Variants in SP3 observed in about 807,000 individuals in gnomAD.
The protein encoded by SP3 is Sp3 transcription factor.
A neutral mutation model predicts 70.3 loss-of-function variants in SP3; 10 were observed. The observed-to-expected ratio is 0.14, with a 90% confidence interval of 0.09 to 0.24. The LOEUF is 0.24. Among genes scored for constraint, SP3 ranks in the 10% least tolerant of loss-of-function variants. The pLI is 1.00. For missense variants in SP3, 825 were observed against 914.6 expected (o/e 0.90, Z 1.26); for synonymous variants, 402 against 333.5 (o/e 1.21, Z -2.24).
In SP3 at chr2:173,909,918, A is replaced by G. The variant is rs1362509976; in HGVS notation, c.*23T>C. ...TCACTACTGTATAAAAATAACCACA[A>G]TGAATAAGTATTTGTGTAATATTTA... On this transcript the variant is annotated 3_prime_UTR_variant, in exon 7 of 7. Coordinates refer to ENST00000310015, the MANE Select transcript of SP3 (RefSeq NM_003111.5). The G allele has an allele frequency of 3.8e-6, 6 of 1,597,744 alleles. No homozygotes were observed. Among genetic ancestry groups the G allele is most frequent in the Non-Finnish European group, 5.1e-6 (6 of 1,166,530 alleles).
chr2:173,938,492 C>T (rs1162278392), intron 4 of SP3, among the ~76,000 whole-genome samples: 1 of 112,344 alleles, frequency 8.9e-6, no homozygotes, highest in Non-Finnish European at 1.8e-5. Flanking sequence ...AGCAACCAAA[C>T]AGGTAAAATT....
chr2:173,930,196 AC>A (rs1690031554), intron 4 of SP3, among the ~76,000 whole-genome samples: 1 of 152,168 alleles, frequency 6.6e-6, no homozygotes, highest in African/African-American at 2.4e-5. Context: ...GATGGTCATA[AC>A]CCTGACTGGA....
intron 4 of SP3, among the ~76,000 whole-genome samples, chr2:173,951,400 T>C (rs57299560): frequency 0.041 from 6,253 of 152,284 alleles, 197 homozygotes; most frequent in Admixed American, 0.1. Context: ...TTAAATTTAG[T>C]TCATTTAAAA....
chr2:173,917,197 C>T (rs188999665), intron 5 of SP3, among the ~76,000 whole-genome samples: 9 of 151,996 alleles, frequency 5.9e-5, no homozygotes, highest in South Asian at 2.1e-4. Context: ...GCCAGGCCTC[C>T]GTTAGATTTG....
Position 173,908,502 on chromosome 2 carries a change from ATTTT to A in SP3, c.*1435_*1438del, listed in dbSNP as rs1232370948. The A allele has an allele frequency of 6.6e-6, 1 of 152,476 alleles. No individual in the cohort carries two copies. The highest frequency in any genetic ancestry group is 2.4e-5 in the African/African-American group (1 of 41,454). 9.4% of individuals were successfully genotyped at this position (152,476 alleles called of 1,614,324 possible). A position where few individuals can be genotyped will look rare whatever the true frequency, so the allele number is the denominator to read the frequency against. ...AATTCTTACCCCATACCACTGCAATATTTTTTATGCATAGGAATACAACAAACTC... is the reference window on the plus strand; with the variant it reads ...AATTCTTACCCCATACCACTGCAATATTATGCATAGGAATACAACAAACTC... On this transcript the variant is annotated 3_prime_UTR_variant, in exon 7 of 7. Transcript: ENST00000310015.
At chr2:173,953,555 C>T (rs1165354708) in intron 4 of SP3, among the ~76,000 whole-genome samples, 1 of 152,042 alleles carries the variant, frequency 6.6e-6, no homozygotes, top group Non-Finnish European at 1.5e-5. Context: ...ACCAGCCTGG[C>T]CAACATCTTT....
intron 4 of SP3, among the ~76,000 whole-genome samples, chr2:173,944,121 A>G (rs1456521590): frequency 6.6e-6 from 1 of 152,208 alleles, no homozygotes; most frequent in Non-Finnish European, 1.5e-5. Flanking sequence ...AACCTCAAAC[A>G]TTTGTTGACT....
At chr2:173,946,258 A>G (rs1690531627) in intron 4 of SP3, among the ~76,000 whole-genome samples, 1 of 152,096 alleles carries the variant, frequency 6.6e-6, no homozygotes, top group African/African-American at 2.4e-5. Flanking sequence ...GGTTCATTAT[A>G]TATTGTTTTT....
intron 4 of SP3, among the ~76,000 whole-genome samples, chr2:173,939,201 C>T (rs1378374846): frequency 6.6e-6 from 1 of 152,084 alleles, no homozygotes; most frequent in African/African-American, 2.4e-5. Flanking sequence ...TATCTGTAGA[C>T]TCAACAGACC....
intron 6 of SP3, 39 bp downstream of exon 6, chr2:173,913,030 TA>T (rs1689534687): frequency 6.9e-7 from 1 of 1,458,604 alleles, no homozygotes; most frequent in Admixed American, 2.1e-5. Context: ...TATGTAGCCC[TA>T]TAATTCATTT....
chr2:173,955,003 A>G lies in SP3; in HGVS notation c.1509T>C (p.Gly503=). The part of the protein sequence containing the change: ...QTLTLGQVAA[G]GAFTSTPVSL... ...TAACTGGAGTTGAAGTGAAGGCTCCACCTGCCGCAACTTGACCAAGTGTGA... is the reference window on the plus strand; with the variant it reads ...TAACTGGAGTTGAAGTGAAGGCTCCGCCTGCCGCAACTTGACCAAGTGTGA... Residue 503 remains glycine, a synonymous_variant, in exon 4 of 7, where the codon GGT becomes GGC. Transcript: ENST00000310015. 1 of 1,598,554 alleles carries G rather than the reference A, an allele frequency of 6.3e-7. No individual in the cohort carries two copies. Among genetic ancestry groups the G allele is most frequent in the Non-Finnish European group, 8.5e-7 (1 of 1,172,628 alleles).
At chr2:173,914,073 T>C (rs559575521) in intron 5 of SP3, 1 of 152,304 alleles carries the variant, frequency 6.6e-6, no homozygotes, top group East Asian at 1.9e-4. Context: ...AACAGAGGTA[T>C]CTTAGCCTAA....
At chr2:173,940,021 A>C (rs1009686982) in intron 4 of SP3, among the ~76,000 whole-genome samples, 1 of 152,016 alleles carries the variant, frequency 6.6e-6, no homozygotes, top group Non-Finnish European at 1.5e-5. Context: ...CTATGGGCAC[A>C]CATTACTGTG....
In SP3 at chr2:173,955,230, C is replaced by T. The variant is rs61755319; in HGVS notation, c.1282G>A (p.Gly428Ser). ...AAAGCCTGTTGTGATATATTTTGAC[C>T]ACTGGCTTGCACACCATGGATTGTC... ...PQTIHGVQAS[G>S]QNISQQALQN... The change falls in exon 4 of 7, where the codon GGT becomes AGT. Residue 428 changes from glycine (G) to serine (S), a missense_variant. Gly to Ser is a moderately conservative substitution (Grantham distance 56). Transcript: ENST00000310015. The T allele has an allele frequency of 6.2e-7, 1 of 1,614,088 alleles. No homozygotes were observed. Among genetic ancestry groups the T allele is most frequent in the South Asian group, 1.1e-5 (1 of 91,076 alleles).
At chr2:173,954,033 T>C (rs1036046780) in intron 4 of SP3, among the ~76,000 whole-genome samples, 2 of 152,212 alleles carry the variant, frequency 1.3e-5, no homozygotes, top group African/African-American at 4.8e-5. Context: ...TTTAAGAGTT[T>C]AGAATCACTG....
chr2:173,955,879 A>G lies in SP3; in HGVS notation c.633T>C (p.Asn211=), dbSNP rs139195415. 132 of 1,614,166 alleles carry G rather than the reference A, an allele frequency of 8.2e-5. 1 individual carries two copies. The African/African-American group carries it at 1.5e-3, about 18-fold the overall frequency. The change falls in exon 4 of 7, where the codon AAT becomes AAC. Residue 211 remains asparagine (N), a synonymous_variant. Transcript: ENST00000310015. The part of the protein sequence containing the change: ...SSQIQIIPGS[N]QTLLASGTPS... ...GTGTTCCAGAGGCAAGTAAGGTTTGATTAGAGCCAGGAATGATCTGAATTT... is the reference window on the plus strand; with the variant it reads ...GTGTTCCAGAGGCAAGTAAGGTTTGGTTAGAGCCAGGAATGATCTGAATTT...
intron 4 of SP3, among the ~76,000 whole-genome samples, chr2:173,939,798 G>A (rs1436285346): frequency 7.3e-6 from 1 of 137,840 alleles, no homozygotes; most frequent in Non-Finnish European, 1.5e-5. Context: ...ACTGATTTTG[G>A]GGGAGGAATT....
chr2:173,911,642 C>T (rs967145102), intron 6 of SP3, among the ~76,000 whole-genome samples: 1 of 152,008 alleles, frequency 6.6e-6, no homozygotes, highest in Non-Finnish European at 1.5e-5. Context: ...CCTTTTTCTC[C>T]CTTTTACATT....
Position 173,955,451 on chromosome 2 carries a change from T to G in SP3, c.1061A>C (p.Asn354Thr), listed in dbSNP as rs137976271. ...CTGCCCACTAGATGTAGTCAAGCTA[T>G]TTGTGTTTTGTTGTAATATACCTGT... ...DSTGILQQNT[N>T]SLTTSSGQVH... Residue 354 changes from asparagine (N) to threonine (T), a missense_variant, in exon 4 of 7, where the codon AAT becomes ACT. Asn to Thr is a moderately conservative substitution (Grantham distance 65). Coordinates refer to ENST00000310015, the MANE Select transcript of SP3 (RefSeq NM_003111.5). 1.8e-5 allele frequency: 29 copies of G among 1,614,026 alleles called. No individual in the cohort carries two copies. The highest frequency in any genetic ancestry group is 2.4e-5 in the Non-Finnish European group (28 of 1,180,036).
Sources: allele counts gnomAD v4.1 joint callset (sites outside exome capture counted in the v4.1 genomes callset), GRCh38; gene constraint gnomAD v4.1.1; transcripts MANE v1.5; gene names NCBI Gene and HGNC (gene_info 2026-07-23, HGNC 2026-07-21).